The following DNAH9 variants were observed in gnomAD, a reference collection of about 807,000 sequenced individuals.
The protein encoded by DNAH9 is dynein axonemal heavy chain 9.
Under a neutral mutation model 471.6 loss-of-function variants are expected in DNAH9, and 345 were observed. The ratio of observed to expected loss-of-function variants is 0.73; its 90% CI spans 0.67 to 0.80. The LOEUF is 0.80. DNAH9 is among the 30% of genes least tolerant of loss of function. The pLI is 0.00. For synonymous variants in DNAH9, 2,093 were observed against 2,123.6 expected (o/e 0.99, Z 0.40); for missense variants, 5,407 against 5,609.2 (o/e 0.96, Z 1.15).
chr17:11,627,538 A>C (rs1182621363), intron 6 of DNAH9, among the ~76,000 whole-genome samples: 3 of 152,342 alleles, frequency 2.0e-5, no homozygotes, highest in Middle Eastern at 3.4e-3. Context: ...TAAGCACTTT[A>C]CGAGAGACTT....
chr17:11,680,881 C>A lies in DNAH9; in HGVS notation c.3735C>A (p.Ala1245=), dbSNP rs768932511. The part of the protein sequence containing the change: ...QQFWEQFHKE[A]PFRFDSIHPH... ...TCTGGGAGCAATTCCACAAAGAAGCCCCGTTCAGGTATGGGCCGAACACTG... is the reference window on the plus strand; with the variant it reads ...TCTGGGAGCAATTCCACAAAGAAGCACCGTTCAGGTATGGGCCGAACACTG... Residue 1245 remains alanine, a synonymous_variant, in exon 19 of 69, where the codon GCC becomes GCA. Coordinates refer to ENST00000262442, the MANE Select transcript of DNAH9 (RefSeq NM_001372.4). The A allele has an allele frequency of 1.9e-6, 3 of 1,610,530 alleles. No individual in the cohort carries two copies. Among genetic ancestry groups the A allele is most frequent in the Admixed American group, 3.4e-5 (2 of 59,698 alleles).
intron 59 of DNAH9, among the ~76,000 whole-genome samples, chr17:11,899,514 TA>T (rs1200519567): frequency 6.6e-6 from 1 of 152,230 alleles, no homozygotes; most frequent in Non-Finnish European, 1.5e-5. Context: ...CCATTTAGCT[TA>T]TTAGAAGGCT....
At chr17:11,685,450 CATAAT>C (rs2074225286) in intron 19 of DNAH9, among the ~76,000 whole-genome samples, 1 of 152,106 alleles carries the variant, frequency 6.6e-6, no homozygotes, top group Admixed American at 6.5e-5. Context: ...ATGACAAAAA[CATAAT>C]GTAAAGACCA....
At chr17:11,831,484 C>T (rs1970682939) in intron 48 of DNAH9, among the ~76,000 whole-genome samples, 1 of 152,090 alleles carries the variant, frequency 6.6e-6, no homozygotes, top group African/African-American at 2.4e-5. Flanking sequence ...CAAATATCTT[C>T]CACTTGTCCC....
At chr17:11,961,645 G>C (rs1439748170) in intron 67 of DNAH9, among the ~76,000 whole-genome samples, 1 of 152,136 alleles carries the variant, frequency 6.6e-6, no homozygotes, top group Non-Finnish European at 1.5e-5. Flanking sequence ...GAGCAGGGAG[G>C]GTTTTCAAGG....
At chr17:11,669,844 A>AC (rs2073946487) in intron 17 of DNAH9, 50 bp downstream of exon 17, 1 of 1,473,610 alleles carries the variant, frequency 6.8e-7, no homozygotes, top group Non-Finnish European at 9.3e-7. Flanking sequence ...TGTGAGGAAC[A>AC]CCATGTTTTT....
intron 8 of DNAH9, among the ~76,000 whole-genome samples, chr17:11,635,380 C>G (rs2073143675): frequency 7.0e-6 from 1 of 143,478 alleles, no homozygotes; most frequent in African/African-American, 2.6e-5. Context: ...CGGGTTTTGC[C>G]ATGTTGGCCA....
intron 17 of DNAH9, among the ~76,000 whole-genome samples, chr17:11,675,297 T>C (rs764397280): frequency 7.9e-4 from 120 of 152,318 alleles, no homozygotes; most frequent in Non-Finnish European, 1.6e-4. Context: ...TATCACGCAA[T>C]CCTGCTAAAT....
chr17:11,782,895 C>CA (rs1968722690), intron 39 of DNAH9, among the ~76,000 whole-genome samples: 3 of 152,028 alleles, frequency 2.0e-5, no homozygotes, highest in East Asian at 1.9e-4. Flanking sequence ...GACTCCGTCT[C>CA]AAAAAAAGAA....
In DNAH9 at chr17:11,880,063, T is replaced by C. The variant is rs1279692276; in HGVS notation, c.10479-15T>C. ...CCACAGTCTCATACTCCCGGACTCA[T>C]ACTTGTTTCCCTAGCTACCTTCAAA... On this transcript the variant is annotated splice_polypyrimidine_tract_variant and intron_variant, in intron 53 of 68. Coordinates refer to ENST00000262442, the MANE Select transcript of DNAH9 (RefSeq NM_001372.4). 1.9e-6 allele frequency: 3 copies of C among 1,613,562 alleles called. No individual in the cohort carries two copies. The highest frequency in any genetic ancestry group is 1.1e-5 in the South Asian group (1 of 91,068).
At chr17:11,891,712 G>T in intron 57 of DNAH9, 65 bp from the exon 58 acceptor site, 2 of 1,527,476 alleles carry the variant, frequency 1.3e-6, no homozygotes, top group Non-Finnish European at 1.8e-6. Context: ...TTCTTCGCAG[G>T]TAAGACCACT....
Position 11,890,733 on chromosome 17 carries a change from G to A in DNAH9, c.11113-1044G>A, listed in dbSNP as rs913041724. On this transcript the variant is annotated intron_variant, in intron 57 of 68. Transcript: ENST00000262442. ...TTGTTTCTTAGGTTATTTTGAGACA[G>A]GGTCTCACTCTGTTGCCCAGGCTGG... Among the ~76,000 whole-genome samples the A allele has an allele frequency of 1.0e-3, 155 of 152,214 alleles. 1 individual carries two copies. The highest frequency in any genetic ancestry group is 3.5e-3 in the African/African-American group (144 of 41,520).
Position 11,652,953 on chromosome 17 carries a change from A to G in DNAH9, c.2546A>G (p.Tyr849Cys). ...LDDRHDRMEK[Y>C]YNLIKESGLK... ...GATCGGCATGATCGAATGGAAAAATATTACAATCTCATCAAGGAATCTGGC... is the reference window on the plus strand; with the variant it reads ...GATCGGCATGATCGAATGGAAAAATGTTACAATCTCATCAAGGAATCTGGC... Residue 849 changes from tyrosine to cysteine, a missense_variant, in exon 14 of 69, where the codon TAT (tyrosine) becomes TGT (cysteine). By Grantham distance (194) the Tyr-to-Cys change is radical. This residue lies in a region of DNAH9 where 4,636 missense variants were observed against 4,900.3 expected (regional missense o/e 0.95). Coordinates refer to ENST00000262442, the MANE Select transcript of DNAH9 (RefSeq NM_001372.4). 6.2e-7 allele frequency: 1 copy of G among 1,614,092 alleles called. No individual in the cohort carries two copies. The highest frequency in any genetic ancestry group is 8.5e-7 in the Non-Finnish European group (1 of 1,179,962).
chr17:11,672,983 C>T (rs2073995057), intron 17 of DNAH9, among the ~76,000 whole-genome samples: 1 of 152,112 alleles, frequency 6.6e-6, no homozygotes, highest in Non-Finnish European at 1.5e-5. Context: ...ATCCTTGGTC[C>T]CTGTTCCCTC....
chr17:11,640,191 C>T (rs1300433840), intron 9 of DNAH9, 79 bp from the exon 10 acceptor site: 14 of 797,944 alleles, frequency 1.8e-5, no homozygotes, highest in Non-Finnish European at 2.7e-5. Flanking sequence ...AAGTGGAGTA[C>T]TTGGTGGGAG....
intron 3 of DNAH9, 49 bp downstream of exon 3, chr17:11,610,603 G>T (rs1282650232): frequency 6.3e-7 from 1 of 1,585,030 alleles, no homozygotes; most frequent in Non-Finnish European, 8.6e-7. Context: ...ATGTCTTACA[G>T]AGACTAAAGC....
Position 11,771,354 on chromosome 17 carries a change from C to T in DNAH9, c.7552+2025C>T, listed in dbSNP as rs578088763. 3.9e-5 allele frequency among the ~76,000 whole-genome samples: 6 copies of T among 152,302 alleles called. 1 individual carries two copies. Among genetic ancestry groups the T allele is most frequent in the African/African-American group, 1.4e-4 (6 of 41,564 alleles). On this transcript the variant is annotated intron_variant, in intron 38 of 68. Transcript: ENST00000262442. ...ATGTTGGCCAGGCTGGTCTCGAACT[C>T]CTGACCTCAGGTGATCCACCTGCCT... is the stretch of plus-strand genomic sequence containing the variant.
chr17:11,822,129 T>A (rs2080036415), intron 46 of DNAH9, 67 bp downstream of exon 46: 1 of 1,540,616 alleles, frequency 6.5e-7, no homozygotes, highest in Non-Finnish European at 8.8e-7. Context: ...TCCACTGATA[T>A]TTCGGGCACA....
At chr17:11,815,701 A>G (rs1487933707) in intron 45 of DNAH9, among the ~76,000 whole-genome samples, 1 of 152,172 alleles carries the variant, frequency 6.6e-6, no homozygotes, top group Admixed American at 6.5e-5. Context: ...AGGTGGGAAG[A>G]TCGCTTGTGC....
Sources: gnomAD v4.1 joint callset for allele counts (sites outside exome capture counted in the v4.1 genomes callset) on GRCh38, gnomAD v4.1.1 for gene constraint, gnomAD v4.1.1 regional missense constraint, MANE v1.5 for transcripts, NCBI Gene and HGNC (gene_info 2026-07-23, HGNC 2026-07-21) for gene names.